Variants in CIMIP4 observed in about 807,000 individuals in gnomAD.
The protein encoded by CIMIP4 is protein EAN57.
the CIMIP4 span, chr22:36,991,580 C>A: frequency 1.2e-6 from 2 of 1,614,194 alleles, no homozygotes; most frequent in Non-Finnish European, 8.5e-7. Context: ...CTCTTTGTCT[C>A]CTCAGCAGCC....
the CIMIP4 span, among the ~76,000 whole-genome samples, chr22:36,997,223 G>A: frequency 2.0e-5 from 3 of 152,182 alleles, no homozygotes; most frequent in Non-Finnish European, 4.4e-5. Context: ...TCAACCCCAG[G>A]TGGATTAAAG....
chr22:36,992,058 G>A, the CIMIP4 span, among the ~76,000 whole-genome samples: 1 of 152,108 alleles, frequency 6.6e-6, no homozygotes, highest in African/African-American at 2.4e-5. Flanking sequence ...TACAAAATAA[G>A]TATATTTAGG....
chr22:37,000,026 C>T, the CIMIP4 span: 6 of 1,584,146 alleles, frequency 3.8e-6, no homozygotes, highest in South Asian at 2.3e-5. Context: ...GATGGAAAAG[C>T]AGTTTCAAGC....
chr22:37,003,943 C>T, the CIMIP4 span: 6 of 1,546,044 alleles, frequency 3.9e-6, no homozygotes, highest in Non-Finnish European at 4.4e-6. Context: ...GCATTCAGCA[C>T]ATCCCTGGTC....
chr22:36,998,402 C>A, the CIMIP4 span, among the ~76,000 whole-genome samples: 1 of 152,252 alleles, frequency 6.6e-6, no homozygotes, highest in East Asian at 1.9e-4. Flanking sequence ...GTTTGTCAGG[C>A]CCTGGGAGCA....
the CIMIP4 span, among the ~76,000 whole-genome samples, chr22:37,006,602 A>G: frequency 6.6e-6 from 1 of 152,206 alleles, no homozygotes; most frequent in Non-Finnish European, 1.5e-5. Context: ...GCTGATTTAT[A>G]TGACCAGATT....
chr22:37,004,880 G>T, the CIMIP4 span, among the ~76,000 whole-genome samples: 1 of 151,956 alleles, frequency 6.6e-6, no homozygotes, highest in Non-Finnish European at 1.5e-5. Context: ...TAGAGACAGG[G>T]TTTCACCATG....
At chr22:36,992,803 T>A in the CIMIP4 span, among the ~76,000 whole-genome samples, 1 of 151,810 alleles carries the variant, frequency 6.6e-6, no homozygotes, top group Non-Finnish European at 1.5e-5. Context: ...AATATTAGGA[T>A]GCAATACAAA....
At chr22:37,005,629 T>C in the CIMIP4 span, among the ~76,000 whole-genome samples, 1 of 151,786 alleles carries the variant, frequency 6.6e-6, no homozygotes, top group South Asian at 2.1e-4. Flanking sequence ...GTGAGGAATA[T>C]ATTACTAGAA....
chr22:37,002,237 T>G, the CIMIP4 span: 1 of 1,453,700 alleles, frequency 6.9e-7, no homozygotes, highest in Non-Finnish European at 9.1e-7. Flanking sequence ...GTAGGCCGCT[T>G]TCCAGGGGTC....
chr22:36,999,302 CA>C, the CIMIP4 span, among the ~76,000 whole-genome samples: 260 of 106,770 alleles, frequency 2.4e-3, 2 homozygotes, highest in African/African-American at 7.7e-3. Context: ...AGCAAAAATA[CA>C]AAAAAAAAAA....
the CIMIP4 span, among the ~76,000 whole-genome samples, chr22:36,994,833 T>C: frequency 2.0e-5 from 3 of 152,052 alleles, no homozygotes; most frequent in African/African-American, 7.2e-5. Context: ...GGTTTCACCT[T>C]GTTAGCCAGG....
At chr22:36,993,645 C>T in the CIMIP4 span, among the ~76,000 whole-genome samples, 84 of 151,642 alleles carry the variant, frequency 5.5e-4, no homozygotes, top group Non-Finnish European at 4.0e-4. Context: ...AGGAGAATGG[C>T]GTGAACCCAG....
the CIMIP4 span, chr22:37,003,939 A>G: frequency 6.5e-7 from 1 of 1,543,044 alleles, no homozygotes; most frequent in Non-Finnish European, 8.8e-7. Flanking sequence ...ATGTGCATTC[A>G]GCACATCCCT....
chr22:37,002,214 T>C, the CIMIP4 span: 2 of 1,470,856 alleles, frequency 1.4e-6, no homozygotes, highest in South Asian at 2.9e-5. Flanking sequence ...AACTTGGAGG[T>C]GTCCAAGGAA....
chr22:36,991,491 C>T, the CIMIP4 span: 599 of 1,614,138 alleles, frequency 3.7e-4, no homozygotes, highest in Non-Finnish European at 4.0e-4. Context: ...CCAGATCATC[C>T]GTCTTCCTGC....
At chr22:36,997,985 T>C in the CIMIP4 span, among the ~76,000 whole-genome samples, 1 of 152,326 alleles carries the variant, frequency 6.6e-6, no homozygotes, top group East Asian at 1.9e-4. Flanking sequence ...GTGTAAATAC[T>C]ACTAGCATGG....
chr22:36,998,073 G>A, the CIMIP4 span, among the ~76,000 whole-genome samples: 3 of 152,242 alleles, frequency 2.0e-5, no homozygotes, highest in East Asian at 3.8e-4. Flanking sequence ...AATTTGCTAT[G>A]AGCTCCAGCA....
chr22:36,992,328 CAGAG>C, the CIMIP4 span, among the ~76,000 whole-genome samples: 65 of 151,426 alleles, frequency 4.3e-4, no homozygotes, highest in African/African-American at 1.5e-3. Flanking sequence ...GCCTGGGCAA[CAGAG>C]AGAGACTCTG....
Sources: gnomAD v4.1 joint callset for allele counts (sites outside exome capture counted in the v4.1 genomes callset) on GRCh38, gnomAD v4.1.1 for gene constraint, MANE v1.5 for transcripts, NCBI Gene and HGNC (gene_info 2026-07-23, HGNC 2026-07-21) for gene names.